SLC36A1: variants seen among roughly 807,000 people sequenced by gnomAD.
SLC36A1 encodes proton-coupled amino acid transporter 1.
A neutral mutation model predicts 47.5 loss-of-function variants in SLC36A1; 30 were observed. The observed-to-expected ratio is 0.63, with a 90% CI of 0.47 to 0.86. The LOEUF (loss-of-function observed/expected upper bound fraction) is 0.86, where lower values mean the gene tolerates loss of function less well. SLC36A1 is among the 40% of genes least tolerant of loss of function. The pLI is 0.00. For missense variants in SLC36A1, 517 were observed against 606.0 expected (o/e 0.85, Z 1.54); for synonymous variants, 255 against 249.7 (o/e 1.02, Z -0.20).
intron 9 of SLC36A1, among the ~76,000 whole-genome samples, chr5:151,478,551 G>A (rs990553418): frequency 1.3e-5 from 2 of 152,172 alleles, no homozygotes; most frequent in Non-Finnish European, 2.9e-5. Context: ...GACTTGGATG[G>A]GACAGATATA....
the SLC36A1 span, among the ~76,000 whole-genome samples, chr5:151,508,872 T>C: frequency 6.6e-6 from 1 of 152,138 alleles, no homozygotes; most frequent in African/African-American, 2.4e-5. Flanking sequence ...ACTGAGAGCT[T>C]GTTAAAAATA....
chr5:151,372,222 A>G, the SLC36A1 span, among the ~76,000 whole-genome samples: 10 of 152,096 alleles, frequency 6.6e-5, no homozygotes, highest in Non-Finnish European at 1.3e-4. Flanking sequence ...AAAAGGCTAT[A>G]CTCTCAAGAC....
the SLC36A1 span, among the ~76,000 whole-genome samples, chr5:151,524,767 C>T: frequency 9.2e-5 from 14 of 152,154 alleles, no homozygotes; most frequent in South Asian, 2.1e-4. Context: ...ATACCTCAAG[C>T]CACTTCAGGC....
At chr5:151,529,241 G>A in the SLC36A1 span, 161 of 1,614,024 alleles carry the variant, frequency 1.0e-4, no homozygotes, top group Non-Finnish European at 2.3e-5. Context: ...GATCTTGGGG[G>A]AATTGGGGCC....
chr5:151,464,671 A>G, intron 4 of SLC36A1, 69 bp downstream of exon 4: 1 of 1,265,788 alleles, frequency 7.9e-7, no homozygotes, highest in African/African-American at 1.5e-5. Context: ...AACCCTGAAA[A>G]TGAGCACTGA....
the SLC36A1 span, among the ~76,000 whole-genome samples, chr5:151,413,554 C>G: frequency 3.3e-5 from 5 of 152,010 alleles, no homozygotes; most frequent in African/African-American, 1.2e-4. Context: ...ACATAACTTT[C>G]GCCTTTTTAT....
chr5:151,373,775 G>A, the SLC36A1 span, among the ~76,000 whole-genome samples: 4 of 152,188 alleles, frequency 2.6e-5, no homozygotes, highest in South Asian at 8.3e-4. Context: ...GTCTTGCTCT[G>A]TTGCTCAGGA....
chr5:151,549,593 A>G, the SLC36A1 span: 2 of 1,035,856 alleles, frequency 1.9e-6, no homozygotes, highest in Non-Finnish European at 1.5e-6. Flanking sequence ...TAGAATGCCA[A>G]TTTAAAATAT....
chr5:151,422,679 G>A, the SLC36A1 span, among the ~76,000 whole-genome samples: 6 of 152,024 alleles, frequency 3.9e-5, no homozygotes, highest in African/African-American at 1.2e-4. Context: ...AATGAGTTAT[G>A]ATCACGCCAC....
At chr5:151,436,503 C>T (rs73285668), upstream of SLC36A1, among the ~76,000 whole-genome samples, 3 of 151,862 alleles carry the variant, frequency 2.0e-5, no homozygotes, top group East Asian at 5.8e-4. Context: ...CAGGTTCTCA[C>T]ACAACCATAT....
chr5:151,525,215 A>G, the SLC36A1 span, among the ~76,000 whole-genome samples: 1 of 152,222 alleles, frequency 6.6e-6, no homozygotes, highest in African/African-American at 2.4e-5. Context: ...AGATTTGGAG[A>G]AATAAAGTGA....
the SLC36A1 span, among the ~76,000 whole-genome samples, chr5:151,366,034 A>G: frequency 6.6e-6 from 1 of 152,236 alleles, no homozygotes; most frequent in African/African-American, 2.4e-5. Context: ...AAACAGTAAA[A>G]TAATGAAAAT....
chr5:151,506,959 A>G, the SLC36A1 span, among the ~76,000 whole-genome samples: 1 of 152,236 alleles, frequency 6.6e-6, no homozygotes, highest in Non-Finnish European at 1.5e-5. Flanking sequence ...AAGGAGTGCA[A>G]TAGAATGAGC....
At chr5:151,363,281 C>T in the SLC36A1 span, among the ~76,000 whole-genome samples, 6 of 152,196 alleles carry the variant, frequency 3.9e-5, no homozygotes, top group East Asian at 7.7e-4. Context: ...GTATGTCCTA[C>T]AGTGTGGTGC....
the SLC36A1 span, among the ~76,000 whole-genome samples, chr5:151,385,087 A>T: frequency 6.6e-6 from 1 of 151,570 alleles, no homozygotes; most frequent in African/African-American, 2.4e-5. Context: ...GGGTGCTTAA[A>T]GGCCTTCATA....
chr5:151,382,321 T>C, the SLC36A1 span: 1 of 1,002,358 alleles, frequency 1.0e-6, no homozygotes, highest in South Asian at 1.4e-5. Context: ...CTCAGCAGCC[T>C]CAAGTTCAGC....
Position 151,490,189 on chromosome 5 carries a change from G to A in SLC36A1, c.*1935G>A, listed in dbSNP as rs1759994065. The A allele has an allele frequency of 6.6e-6, 1 of 152,210 alleles. No individual in the cohort carries two copies. Among genetic ancestry groups the A allele is most frequent in the African/African-American group, 2.4e-5 (1 of 41,450 alleles). The allele number at this position is 152,210 out of a possible 1,614,324, so 9.4% of individuals were successfully genotyped here. On this transcript the variant is annotated 3_prime_UTR_variant, in exon 11 of 11. Coordinates refer to ENST00000243389, the MANE Select transcript of SLC36A1 (RefSeq NM_078483.4). The stretch of plus-strand genomic sequence containing the variant: ...TTTTCACCCACCCTTTCTGTTCTAT[G>A]GTGGACTCTTAACAGGTGCTATGTG...
rs998032264 is a variant in SLC36A1 at position 151,486,530 on chromosome 5, A to G, written c.1160-1453A>G. 7.2e-5 allele frequency among the ~76,000 whole-genome samples: 11 copies of G among 152,248 alleles called. 1 individual carries two copies. Among genetic ancestry groups the G allele is most frequent in the South Asian group, 2.1e-4 (1 of 4,832 alleles). ...AAATCTGGTCTCTAAATGCAATCCAATCCTTCAGCTGCTCAGCCAAAGAAG... is the reference window on the plus strand; with the variant it reads ...AAATCTGGTCTCTAAATGCAATCCAGTCCTTCAGCTGCTCAGCCAAAGAAG... On this transcript the variant is annotated intron_variant, in intron 10 of 10. Coordinates refer to ENST00000243389, the MANE Select transcript of SLC36A1 (RefSeq NM_078483.4).
chr5:151,374,475 T>C, the SLC36A1 span, among the ~76,000 whole-genome samples: 1 of 152,236 alleles, frequency 6.6e-6, no homozygotes, highest in South Asian at 2.1e-4. Context: ...CATTCATCCA[T>C]TGACAGACAC....
Sources: allele counts gnomAD v4.1 joint callset (sites outside exome capture counted in the v4.1 genomes callset), GRCh38; gene constraint gnomAD v4.1.1; transcripts MANE v1.5; gene names NCBI Gene and HGNC (gene_info 2026-07-23, HGNC 2026-07-21).